CSMD1: variants seen among roughly 807,000 people sequenced by gnomAD.
The protein encoded by CSMD1 is CUB and sushi domain-containing protein 1.
A neutral mutation model predicts 417.5 loss-of-function variants in CSMD1; 213 were observed. That is an observed-to-expected ratio of 0.51 (90% CI 0.46 to 0.57). The LOEUF (loss-of-function observed/expected upper bound fraction) is 0.57, where lower values mean the gene tolerates loss of function less well. Ranked by LOEUF, CSMD1 falls within the 20% of genes least tolerant of loss-of-function variation. The pLI, the probability that CSMD1 is intolerant of heterozygous loss-of-function variation, is 0.00. For synonymous variants in CSMD1, 2,862 were observed against 1,736.8 expected (o/e 1.65, Z -16.11); for missense variants, 6,923 against 4,529.7 (o/e 1.53, Z -15.17).
chr8:3,233,400 T>A (rs1225309190), intron 26 of CSMD1, among the ~76,000 whole-genome samples: 2 of 152,240 alleles, frequency 1.3e-5, no homozygotes. Flanking sequence ...GGGCCAGATG[T>A]GGTCCCTCGA....
intron 42 of CSMD1, among the ~76,000 whole-genome samples, chr8:3,114,797 A>T (rs184161274): frequency 6.6e-6 from 1 of 152,194 alleles, no homozygotes; most frequent in African/African-American, 2.4e-5. Context: ...AAAAATATGT[A>T]TGTAATAATA....
intron 5 of CSMD1, among the ~76,000 whole-genome samples, chr8:3,838,782 TG>T (rs1474056832): frequency 9.3e-6 from 1 of 107,516 alleles, no homozygotes; most frequent in African/African-American, 3.9e-5. Flanking sequence ...TATAATAAAT[TG>T]ATATTATATA....
intron 5 of CSMD1, among the ~76,000 whole-genome samples, chr8:3,806,761 T>C (rs559365199): frequency 6.6e-6 from 1 of 152,320 alleles, no homozygotes; most frequent in Non-Finnish European, 1.5e-5. Context: ...AGACAAGTAA[T>C]GCAAAATGTT....
chr8:4,500,610 T>C (rs1057287479), intron 2 of CSMD1, among the ~76,000 whole-genome samples: 1 of 152,082 alleles, frequency 6.6e-6, no homozygotes, highest in African/African-American at 2.4e-5. Context: ...TTCGGGGAAC[T>C]GGTTGTTTTT....
intron 1 of CSMD1, among the ~76,000 whole-genome samples, chr8:4,966,640 G>A (rs1809878905): frequency 6.6e-6 from 1 of 152,182 alleles, no homozygotes; most frequent in South Asian, 2.1e-4. Flanking sequence ...TACAAACACA[G>A]AAGGATGGTG....
chr8:4,201,828 T>C (rs1207998706), intron 3 of CSMD1, among the ~76,000 whole-genome samples: 1 of 148,586 alleles, frequency 6.7e-6, no homozygotes, highest in Non-Finnish European at 1.5e-5. Flanking sequence ...TCAGTGCTCC[T>C]TATAGAAGGA....
At chr8:3,346,232 T>C (rs1181224110) in intron 22 of CSMD1, among the ~76,000 whole-genome samples, 1 of 152,220 alleles carries the variant, frequency 6.6e-6, no homozygotes, top group Non-Finnish European at 1.5e-5. Flanking sequence ...TTTGTTATAA[T>C]CAACTTTAAA....
intron 25 of CSMD1, among the ~76,000 whole-genome samples, chr8:3,294,671 G>C (rs1333525960): frequency 6.6e-6 from 1 of 152,176 alleles, no homozygotes; most frequent in Non-Finnish European, 1.5e-5. Context: ...CATTGGAAAA[G>C]CAAGCCCAGT....
intron 1 of CSMD1, among the ~76,000 whole-genome samples, chr8:4,748,684 G>A (rs1490617450): frequency 6.6e-6 from 1 of 152,156 alleles, no homozygotes; most frequent in African/African-American, 2.4e-5. Context: ...AAGTTTGTAG[G>A]GGGTGAATAG....
intron 3 of CSMD1, among the ~76,000 whole-genome samples, chr8:4,130,163 A>C (rs1445637323): frequency 6.6e-6 from 1 of 152,132 alleles, no homozygotes; most frequent in Non-Finnish European, 1.5e-5. Flanking sequence ...AAAAAGACCC[A>C]ACATCTTTTC....
intron 26 of CSMD1, among the ~76,000 whole-genome samples, chr8:3,241,764 G>C (rs995566655): frequency 1.3e-5 from 2 of 152,082 alleles, no homozygotes; most frequent in African/African-American, 4.8e-5. Flanking sequence ...CTGGAGATGT[G>C]GCTGGGGTTT....
intron 1 of CSMD1, among the ~76,000 whole-genome samples, chr8:4,790,037 T>C (rs1422192767): frequency 6.6e-6 from 1 of 152,236 alleles, no homozygotes; most frequent in South Asian, 2.1e-4. Context: ...TCCAGGATTA[T>C]GTGTGAATCT....
chr8:4,356,706 G>A (rs558664004), intron 3 of CSMD1, among the ~76,000 whole-genome samples: 19 of 152,058 alleles, frequency 1.2e-4, no homozygotes, highest in African/African-American at 3.6e-4. Flanking sequence ...CCTTCTCACC[G>A]TGCTCTCCAA....
intron 1 of CSMD1, among the ~76,000 whole-genome samples, chr8:4,752,701 G>A (rs1297302228): frequency 6.6e-6 from 1 of 152,156 alleles, no homozygotes; most frequent in South Asian, 2.1e-4. Flanking sequence ...TCTACACAGG[G>A]GTGGTTTACC....
Position 3,396,267 on chromosome 8 carries a change from G to C in CSMD1, c.2520C>G (p.Thr840=), listed in dbSNP as rs201401389. The C allele has an allele frequency of 3.8e-6, 6 of 1,590,826 alleles. No individual in the cohort carries two copies. The highest frequency in any genetic ancestry group is 5.1e-6 in the Non-Finnish European group (6 of 1,168,456). Residue 840 remains threonine, a synonymous_variant, in exon 17 of 70, where the codon ACC becomes ACG. Transcript: ENST00000635120. Reference sequence around the variant, plus strand: ...TGAACAGCAGGTACATGAAGTTCCCGGTGCTGATGAGGAACTGGGGTGCCT... The same window carrying C: ...TGAACAGCAGGTACATGAAGTTCCCCGTGCTGATGAGGAACTGGGGTGCCT... The part of the protein sequence containing the change: ...GTQAPQFLIS[T]GNFMYLLFTT...
rs1180810139 is a variant in CSMD1, at chr8:3,752,141, A to G, written c.931+1789T>C. Among the ~76,000 whole-genome samples the G allele has an allele frequency of 2.0e-5, 3 of 152,086 alleles. No homozygotes were observed. In the East Asian group the frequency reaches 5.8e-4, roughly 29 times the overall value. On this transcript the variant is annotated intron_variant, in intron 6 of 69. Transcript: ENST00000635120. ...ATCCCACCTTTACTCCATTCTAACT[A>G]CAGCCACAGTATATGGCAGTCACAA...
chr8:3,476,534 C>G (rs1284683209), intron 11 of CSMD1, among the ~76,000 whole-genome samples: 1 of 152,066 alleles, frequency 6.6e-6, no homozygotes, highest in Non-Finnish European at 1.5e-5. Flanking sequence ...AATGGCGGTA[C>G]CACTTGGCTT....
At position 4,195,950 on chromosome 8, in the gene CSMD1, G is replaced by C. The variant is rs189249635; in HGVS notation, c.416-163851C>G. ...TGCCAGGCCGGGCGCGGTGGCTCAC[G>C]CCTGTAATCCCAACACTTTGGGGCA... On this transcript the variant is annotated intron_variant, in intron 3 of 69. Coordinates refer to ENST00000635120, the MANE Select transcript of CSMD1 (RefSeq NM_033225.6). 1.7e-4 allele frequency among the ~76,000 whole-genome samples: 26 copies of C among 152,132 alleles called. No homozygotes were observed. The East Asian group carries it at 1.9e-3, about 11-fold the overall frequency.
chr8:3,165,766 G>C (rs1187969190), intron 37 of CSMD1, among the ~76,000 whole-genome samples: 1 of 152,114 alleles, frequency 6.6e-6, no homozygotes, highest in African/African-American at 2.4e-5. Flanking sequence ...AGCTAGGCTT[G>C]ACATACAGGA....
Sources: allele counts gnomAD v4.1 joint callset (sites outside exome capture counted in the v4.1 genomes callset), GRCh38; gene constraint gnomAD v4.1.1; transcripts MANE v1.5; gene names NCBI Gene and HGNC (gene_info 2026-07-23, HGNC 2026-07-21).